CYP2C18: variants seen among roughly 807,000 people sequenced by gnomAD.
CYP2C18 encodes the protein cytochrome P450 family 2 subfamily C member 18, also known as cytochrome P450 2C18.
CYP2C18 carries 38 observed loss-of-function variants against 41.3 expected under a neutral mutation model. The ratio of observed to expected loss-of-function variants is 0.92; its 90% CI spans 0.71 to 1.21. CYP2C18 has a LOEUF of 1.21. Among genes scored for constraint, CYP2C18 ranks in the 50% most tolerant of loss-of-function variants. CYP2C18 has a pLI of 0.00. For synonymous variants in CYP2C18, 236 were observed against 210.0 expected (o/e 1.12, Z -1.07); for missense variants, 635 against 591.4 (o/e 1.07, Z -0.77).
intron 1 of CYP2C18, among the ~76,000 whole-genome samples, chr10:94,685,451 G>A (rs1049624400): frequency 6.6e-6 from 1 of 152,074 alleles, no homozygotes; most frequent in African/African-American, 2.4e-5. Context: ...GTACTTTTAG[G>A]ATCATATCCA....
At chr10:94,727,799 G>A (rs891838076) in intron 7 of CYP2C18, among the ~76,000 whole-genome samples, 3 of 152,082 alleles carry the variant, frequency 2.0e-5, no homozygotes, top group African/African-American at 7.2e-5. Flanking sequence ...ATATGGAAAT[G>A]TGCATACATC....
chr10:94,705,254 T>C (rs1482312676), intron 4 of CYP2C18, among the ~76,000 whole-genome samples: 1 of 152,110 alleles, frequency 6.6e-6, no homozygotes, highest in Non-Finnish European at 1.5e-5. Flanking sequence ...AGCAAACTAA[T>C]GCAGGAGCAG....
chr10:94,724,783 GT>G (rs59261033), intron 7 of CYP2C18, among the ~76,000 whole-genome samples: 150,611 of 151,828 alleles, frequency 0.99, 74,703 homozygotes, highest in East Asian at 1. Context: ...CTATTCTCAG[GT>G]TGTTTACATT....
At chr10:94,724,630 G>A (rs1169849001) in intron 7 of CYP2C18, 97 bp downstream of exon 7, 3 of 1,216,182 alleles carry the variant, frequency 2.5e-6, no homozygotes, top group African/African-American at 1.5e-5. Context: ...TGAGAGAAGT[G>A]TAAAATTCAT....
chr10:94,694,053 T>A (rs1013973230), intron 3 of CYP2C18, among the ~76,000 whole-genome samples: 1 of 152,168 alleles, frequency 6.6e-6, no homozygotes, highest in Non-Finnish European at 1.5e-5. Flanking sequence ...ATTAAAAAGT[T>A]TATAATAACA....
intron 7 of CYP2C18, among the ~76,000 whole-genome samples, chr10:94,728,051 T>C (rs1847772864): frequency 6.6e-6 from 1 of 152,190 alleles, no homozygotes; most frequent in Non-Finnish European, 1.5e-5. Flanking sequence ...TTTTTTTTGA[T>C]GGACTTCCTG....
At chr10:94,713,958 G>T (rs377206162) in intron 5 of CYP2C18, among the ~76,000 whole-genome samples, 2 of 152,228 alleles carry the variant, frequency 1.3e-5, no homozygotes, top group African/African-American at 4.8e-5. Context: ...TCATGTGTCT[G>T]TTGGCTGCAT....
chr10:94,734,254 C>G (rs548349235), intron 8 of CYP2C18, among the ~76,000 whole-genome samples: 1 of 152,224 alleles, frequency 6.6e-6, no homozygotes, highest in Non-Finnish European at 1.5e-5. Flanking sequence ...GATCATACAT[C>G]TTGGATATTC....
rs1229541728 is a variant in CYP2C18 at position 94,696,200 on chromosome 10, C to A, written c.642+1123C>A. Among the ~76,000 whole-genome samples the A allele has an allele frequency of 3.9e-5, 6 of 152,192 alleles. No individual in the cohort carries two copies. In the East Asian group the frequency reaches 7.7e-4, roughly 20 times the overall value. On this transcript the variant is annotated intron_variant, in intron 4 of 8. Transcript: ENST00000285979. ...GACTGCGTCTTAAGTGGGTCCCTGA[C>A]CCCCCAGTAGCCTAACTGGGAGGCA...
In CYP2C18 at chr10:94,720,485, C is replaced by A. The variant is rs1486164573; in HGVS notation, c.909C>A (p.Ser303Arg). ...DMFGAGTETT[S>R]TTLRYGLLLL... The stretch of plus-strand genomic sequence containing the variant: ...TTGGGGCTGGAACAGAGACAACGAG[C>A]ACCACTCTGAGATATGGACTCCTGC... Residue 303 changes from serine to arginine, a missense_variant, in exon 6 of 9, where the codon AGC becomes AGA. Transcript: ENST00000285979. The A allele has an allele frequency of 8.7e-6, 14 of 1,613,298 alleles. No individual in the cohort carries two copies. In the East Asian group the frequency reaches 3.1e-4, roughly 36 times the overall value.
At chr10:94,729,985 A>G (rs1847801036) in intron 7 of CYP2C18, among the ~76,000 whole-genome samples, 1 of 152,200 alleles carries the variant, frequency 6.6e-6, no homozygotes, top group Non-Finnish European at 1.5e-5. Flanking sequence ...AATCTAAAGT[A>G]TGTTGAAAAC....
At chr10:94,698,681 TG>T (rs141902063) in intron 4 of CYP2C18, among the ~76,000 whole-genome samples, 26,709 of 151,856 alleles carry the variant, frequency 0.18, 2,585 homozygotes, top group South Asian at 0.33. Context: ...AAAAAATCAA[TG>T]AATCCAGGAG....
chr10:94,692,477 T>C (rs1847021058), intron 3 of CYP2C18, among the ~76,000 whole-genome samples: 1 of 152,102 alleles, frequency 6.6e-6, no homozygotes, highest in Non-Finnish European at 1.5e-5. Context: ...TGAGATATCA[T>C]CTCACACCAG....
intron 3 of CYP2C18, among the ~76,000 whole-genome samples, chr10:94,694,302 CTTTTA>C (rs1438204112): frequency 6.6e-6 from 1 of 152,032 alleles, no homozygotes; most frequent in Admixed American, 6.6e-5. Context: ...TTTCTTATTA[CTTTTA>C]TTTTAGGCAA....
rs570802709 is a variant in CYP2C18 at position 94,700,095 on chromosome 10, A to G, written c.642+5018A>G. On this transcript the variant is annotated intron_variant, in intron 4 of 8. Transcript: ENST00000285979. ...TCAATGTCATTTCCATCAATCTACC[A>G]ATGACTTTCTGCACAGAATTGGAAA... is the stretch of plus-strand genomic sequence containing the variant. Among the ~76,000 whole-genome samples the G allele has an allele frequency of 9.1e-4, 139 of 152,346 alleles. 1 individual carries two copies. The highest frequency in any genetic ancestry group is 3.2e-3 in the African/African-American group (135 of 41,578).
At chr10:94,720,870 T>C (rs759315966) in intron 6 of CYP2C18, among the ~76,000 whole-genome samples, 1 of 152,204 alleles carries the variant, frequency 6.6e-6, no homozygotes, top group Non-Finnish European at 1.5e-5. Context: ...TAGGATTGTA[T>C]GTTGGTTTTC....
At chr10:94,701,301 G>A (rs987823535) in intron 4 of CYP2C18, among the ~76,000 whole-genome samples, 4 of 152,144 alleles carry the variant, frequency 2.6e-5, no homozygotes, top group Non-Finnish European at 5.9e-5. Context: ...AAAAAATGAT[G>A]AGTTCATGTC....
chr10:94,684,833 C>A (rs1267961106), intron 1 of CYP2C18, among the ~76,000 whole-genome samples: 2 of 152,014 alleles, frequency 1.3e-5, no homozygotes, highest in African/African-American at 2.4e-5. Context: ...TATTCCACAT[C>A]TTTGTCAACA....
chr10:94,685,591 G>T (rs1846872191), intron 1 of CYP2C18, among the ~76,000 whole-genome samples: 1 of 152,026 alleles, frequency 6.6e-6, no homozygotes, highest in African/African-American at 2.4e-5. Flanking sequence ...GTGAGATTAG[G>T]ATTCTCTTTT....
Sources: gnomAD v4.1 joint callset for allele counts (sites outside exome capture counted in the v4.1 genomes callset) on GRCh38, gnomAD v4.1.1 for gene constraint, MANE v1.5 for transcripts, NCBI Gene and HGNC (gene_info 2026-07-23, HGNC 2026-07-21) for gene names.